The following COL14A1 variants were observed in gnomAD, a reference collection of about 807,000 sequenced individuals.
COL14A1 encodes the protein collagen type XIV alpha 1 chain, also known as collagen alpha-1(XIV) chain.
A neutral mutation model predicts 230.3 loss-of-function variants in COL14A1; 136 were observed. The ratio of observed to expected loss-of-function variants is 0.59; its 90% CI spans 0.51 to 0.68. COL14A1 has a LOEUF of 0.68. COL14A1 is among the 30% of genes least tolerant of loss of function. COL14A1 has a pLI of 0.00. For synonymous variants in COL14A1, 792 were observed against 784.1 expected (o/e 1.01, Z -0.17); for missense variants, 1,976 against 2,215.8 (o/e 0.89, Z 2.17).
At chr8:120,247,834 A>T (rs1818812311) in intron 21 of COL14A1, 99 bp downstream of exon 21, 2 of 1,425,864 alleles carry the variant, frequency 1.4e-6, no homozygotes, top group African/African-American at 1.4e-5. Flanking sequence ...GTTTGGTTGT[A>T]TTTTTTTAAA....
At position 120,203,884 on chromosome 8, in the gene COL14A1, C is replaced by T; in HGVS notation, c.1039+14C>T. 1 of 1,611,434 alleles carries T rather than the reference C, an allele frequency of 6.2e-7. No individual in the cohort carries two copies. The highest frequency in any genetic ancestry group is 8.5e-7 in the Non-Finnish European group (1 of 1,178,172). On this transcript the variant is annotated intron_variant, in intron 9 of 47. Coordinates refer to ENST00000297848, the MANE Select transcript of COL14A1 (RefSeq NM_021110.4). ...GAGAAATTAAAGGTAAAATGAGTGA[C>T]AGAGCAGTCCTGTGGATGTCAGTAT...
At chr8:120,215,388 A>AAAGG (rs369319185) in intron 13 of COL14A1, among the ~76,000 whole-genome samples, 77 of 151,728 alleles carry the variant, frequency 5.1e-4, no homozygotes, top group East Asian at 3.5e-3. Flanking sequence ...GAAAGAAAAG[A>AAAGG]AAGGAAGGAA....
chr8:120,285,692 TAA>T (rs1456924387), intron 32 of COL14A1, among the ~76,000 whole-genome samples, 167 bp from the exon 33 acceptor site: 1 of 152,094 alleles, frequency 6.6e-6, no homozygotes, highest in Non-Finnish European at 1.5e-5. Flanking sequence ...TGTAACCAAC[TAA>T]AAGTCTGCGG....
chr8:120,369,806 T>A (rs1823527309), intron 47 of COL14A1, among the ~76,000 whole-genome samples: 1 of 152,186 alleles, frequency 6.6e-6, no homozygotes. Context: ...TTGAACATTC[T>A]TTTGGAGTCT....
intron 14 of COL14A1, among the ~76,000 whole-genome samples, chr8:120,221,438 T>C (rs1234142419): frequency 6.6e-6 from 1 of 152,182 alleles, no homozygotes; most frequent in African/African-American, 2.4e-5. Flanking sequence ...AAATAAATGA[T>C]ACCTAAAGGT....
In COL14A1 at chr8:120,307,281, C is replaced by A. The variant is rs138522842; in HGVS notation, c.4402-2728C>A. ...GTAGCCAGCCATAGTTTCTGACACA[C>A]TGGGGGAAAAACTATAATGAAGCAT... On this transcript the variant is annotated intron_variant, in intron 36 of 47. Coordinates refer to ENST00000297848, the MANE Select transcript of COL14A1 (RefSeq NM_021110.4). Among the ~76,000 whole-genome samples, 232 of 152,132 alleles carry A rather than the reference C, an allele frequency of 1.5e-3. 4 individuals carry two copies. The highest frequency in any genetic ancestry group is 7.5e-3 in the South Asian group (36 of 4,806).
In COL14A1 at chr8:120,332,106, A is replaced by G. The variant is rs1202933732; in HGVS notation, c.4660-35A>G. 1.9e-6 allele frequency: 3 copies of G among 1,607,868 alleles called. No homozygotes were observed. The Admixed American group carries it at 5.0e-5, about 27-fold the overall frequency. ...CCCATTCTGAAAGCCATATAAAGCA[A>G]CCACTTGCTGACATGCTGTGTTTCT... On this transcript the variant is annotated intron_variant, in intron 40 of 47. Coordinates refer to ENST00000297848, the MANE Select transcript of COL14A1 (RefSeq NM_021110.4).
intron 34 of COL14A1, among the ~76,000 whole-genome samples, chr8:120,292,862 T>A (rs1442482390): frequency 2.0e-5 from 3 of 152,130 alleles, no homozygotes; most frequent in African/African-American, 7.2e-5. Context: ...GGAAGATAGA[T>A]TAATGCATTT....
chr8:120,195,492 C>A (rs917946067), intron 5 of COL14A1, among the ~76,000 whole-genome samples: 1 of 151,954 alleles, frequency 6.6e-6, no homozygotes, highest in African/African-American at 2.4e-5. Flanking sequence ...ATGTTGCGAT[C>A]GGTACTAAAA....
chr8:120,370,809 T>C (rs4463470), intron 47 of COL14A1: 1,226,632 of 1,370,540 alleles, frequency 0.89, 550,224 homozygotes, highest in Non-Finnish European at 0.91. Context: ...TCCCTGCTCT[T>C]CCCTGGTGAT....
intron 9 of COL14A1, among the ~76,000 whole-genome samples, chr8:120,206,246 T>C (rs1413099683): frequency 6.6e-6 from 1 of 152,192 alleles, no homozygotes; most frequent in Non-Finnish European, 1.5e-5. Context: ...ATATGAAGTG[T>C]GAACAGTAAT....
At chr8:120,351,144 A>G (rs1822752508) in intron 45 of COL14A1, among the ~76,000 whole-genome samples, 1 of 144,360 alleles carries the variant, frequency 6.9e-6, no homozygotes, top group Non-Finnish European at 1.5e-5. Context: ...ACTACTGGGT[A>G]CATAACGAAA....
At chr8:120,250,840 C>T in intron 22 of COL14A1, 74 bp downstream of exon 22, 2 of 1,540,742 alleles carry the variant, frequency 1.3e-6, no homozygotes, top group Non-Finnish European at 1.8e-6. Flanking sequence ...TGGAGTCTCG[C>T]TCTGTCGCTC....
intron 29 of COL14A1, among the ~76,000 whole-genome samples, chr8:120,280,301 C>T (rs1306031197): frequency 1.3e-5 from 2 of 152,126 alleles, no homozygotes; most frequent in Admixed American, 1.3e-4. Context: ...ATGATAAAAA[C>T]CTTCCCTAAT....
intron 17 of COL14A1, among the ~76,000 whole-genome samples, chr8:120,228,288 G>A (rs1213908202): frequency 6.6e-6 from 1 of 152,226 alleles, no homozygotes; most frequent in African/African-American, 2.4e-5. Context: ...CACGGTGGCT[G>A]TAAGAAATAG....
In COL14A1 at chr8:120,208,380, C is replaced by T. The variant is rs1476371799; in HGVS notation, c.1321+19C>T. The T allele has an allele frequency of 6.2e-7, 1 of 1,607,978 alleles. No individual in the cohort carries two copies. The highest frequency in any genetic ancestry group is 8.5e-7 in the Non-Finnish European group (1 of 1,176,566). On this transcript the variant is annotated intron_variant, in intron 11 of 47. Transcript: ENST00000297848. ...ACTACACGTATGTATTTAATTCTAC[C>T]CCACTTCTAACTTTGTAGAGTGCTG...
intron 45 of COL14A1, among the ~76,000 whole-genome samples, chr8:120,357,162 C>T (rs13438950): frequency 0.53 from 80,874 of 151,464 alleles, 23,066 homozygotes; most frequent in African/African-American, 0.76. Flanking sequence ...TTGAGTTTTA[C>T]GTGGGTCCTG....
chr8:120,195,974 C>G (rs1351729671), intron 5 of COL14A1, among the ~76,000 whole-genome samples: 1 of 152,158 alleles, frequency 6.6e-6, no homozygotes, highest in Admixed American at 6.5e-5. Context: ...TACCCTAGAT[C>G]AGGCAGCCTC....
At chr8:120,241,387 A>T (rs1818603881) in intron 19 of COL14A1, among the ~76,000 whole-genome samples, 1 of 152,206 alleles carries the variant, frequency 6.6e-6, no homozygotes. Context: ...GATGCAGGGC[A>T]TCCTCTTTCT....
Sources: allele counts gnomAD v4.1 joint callset (sites outside exome capture counted in the v4.1 genomes callset), GRCh38; gene constraint gnomAD v4.1.1; transcripts MANE v1.5; gene names NCBI Gene and HGNC (gene_info 2026-07-23, HGNC 2026-07-21).